Variants in ZBTB20 observed in about 807,000 individuals in gnomAD.
The protein encoded by ZBTB20 is zinc finger and BTB domain-containing protein 20.
ZBTB20 carries 9 observed loss-of-function variants against 56.9 expected under a neutral mutation model. The ratio of observed to expected loss-of-function variants is 0.16; its 90% CI spans 0.10 to 0.28. The LOEUF is 0.28. ZBTB20 is among the 10% of genes least tolerant of loss of function. The pLI is 1.00. For synonymous variants in ZBTB20, 417 were observed against 420.7 expected, an observed-to-expected ratio of 0.99 and a Z score of 0.11; for missense variants, 655 against 1,003.0, an observed-to-expected ratio of 0.65 and a Z score of 4.69.
intron 7 of ZBTB20, among the ~76,000 whole-genome samples, chr3:114,446,466 G>A (rs2091278075): frequency 6.6e-6 from 1 of 152,100 alleles, no homozygotes; most frequent in Non-Finnish European, 1.5e-5. Context: ...AAATTCGAAA[G>A]GATAGTTTTG....
rs118169838 is a variant in ZBTB20 at position 114,894,033 on chromosome 3, C to T, written c.-417+6271G>A. On this transcript the variant is annotated intron_variant, in intron 4 of 11. Transcript: ENST00000675478. The stretch of plus-strand genomic sequence containing the variant: ...CCCTTGACACAAGTCCTAATGACAA[C>T]AACAACAACAACAACAAAACACAAA... Among the ~76,000 whole-genome samples the T allele has an allele frequency of 1.8e-4, 27 of 152,272 alleles. No homozygotes were observed. In the East Asian group the frequency reaches 5.2e-3, roughly 29 times the overall value.
At chr3:114,615,631 G>A (rs9852045) in intron 6 of ZBTB20, among the ~76,000 whole-genome samples, 26,246 of 152,084 alleles carry the variant, frequency 0.17, 2,509 homozygotes, top group Admixed American at 0.28. Flanking sequence ...TCATTTGATC[G>A]TCAATGAATA....
At chr3:114,835,823 A>G (rs2108976929) in intron 4 of ZBTB20, among the ~76,000 whole-genome samples, 1 of 152,274 alleles carries the variant, frequency 6.6e-6, no homozygotes, top group Admixed American at 6.5e-5. Context: ...TAAATCTTTA[A>G]GACATTGAGT....
chr3:114,407,088 C>T (rs916332829), intron 7 of ZBTB20, among the ~76,000 whole-genome samples: 2 of 152,204 alleles, frequency 1.3e-5, no homozygotes, highest in African/African-American at 2.4e-5. Flanking sequence ...CTATAGCCCA[C>T]TAGCCACTGC....
chr3:114,696,718 C>T (rs2063043797), intron 5 of ZBTB20, among the ~76,000 whole-genome samples: 1 of 151,950 alleles, frequency 6.6e-6, no homozygotes, highest in Non-Finnish European at 1.5e-5. Flanking sequence ...TCTCACTGTG[C>T]TCCCACTTAA....
At chr3:114,761,728 G>C (rs544008608) in intron 5 of ZBTB20, among the ~76,000 whole-genome samples, 3 of 151,990 alleles carry the variant, frequency 2.0e-5, no homozygotes, top group South Asian at 2.1e-4. Flanking sequence ...CATCTACTTG[G>C]GGGGCTGAGG....
chr3:115,043,581 TAAAATAAAATAAAATAA>T lies in ZBTB20; in HGVS notation c.-507+27621_-507+27637del, dbSNP rs1414347351. 5.1e-4 allele frequency among the ~76,000 whole-genome samples: 3 copies of T among 5,930 alleles called. No individual in the cohort carries two copies. In the East Asian group the frequency reaches 0.018, roughly 36 times the overall value. 3.9% of individuals were successfully genotyped at this position (5,930 alleles called of 152,430 possible). A position where few individuals can be genotyped will look rare whatever the true frequency, so the allele number is the denominator to read the frequency against. ...GCAAGACTCTGGTCTCAAAAAGAAA[TAAAATAAAATAAAATAA>T]AATAAAATAAAATAAAATAAAATAA... On this transcript the variant is annotated intron_variant, in intron 2 of 11. Coordinates refer to ENST00000675478, the MANE Select transcript of ZBTB20 (RefSeq NM_001348800.3).
intron 6 of ZBTB20, among the ~76,000 whole-genome samples, chr3:114,568,548 C>A (rs2053061954): frequency 6.6e-6 from 1 of 152,114 alleles, no homozygotes; most frequent in Admixed American, 6.5e-5. Flanking sequence ...ATGGGAAAAC[C>A]ATTTATAAAA....
intron 1 of ZBTB20, among the ~76,000 whole-genome samples, chr3:115,103,629 G>A (rs1299017257): frequency 1.3e-5 from 2 of 152,186 alleles, no homozygotes; most frequent in Non-Finnish European, 2.9e-5. Context: ...AAGTGGTGAC[G>A]GAACGACTGG....
At chr3:115,115,495 C>T (rs550016666) in intron 1 of ZBTB20, among the ~76,000 whole-genome samples, 25 of 152,106 alleles carry the variant, frequency 1.6e-4, no homozygotes, top group African/African-American at 6.0e-4. Flanking sequence ...AATATTGGTA[C>T]TTTCATTTAA....
chr3:114,380,488 A>ATTT, intron 9 of ZBTB20, 84 bp from the exon 10 acceptor site: 1 of 1,343,528 alleles, frequency 7.4e-7, no homozygotes, highest in Non-Finnish European at 9.7e-7. Context: ...AGATAACTTG[A>ATTT]TTTTTTTTTT....
At chr3:114,588,656 A>G (rs888408668) in intron 6 of ZBTB20, among the ~76,000 whole-genome samples, 1 of 152,274 alleles carries the variant, frequency 6.6e-6, no homozygotes, top group South Asian at 2.1e-4. Flanking sequence ...GGGCAAAAAT[A>G]TGGTAAAGAA....
At chr3:115,060,365 C>T (rs904349938) in intron 2 of ZBTB20, among the ~76,000 whole-genome samples, 5 of 152,114 alleles carry the variant, frequency 3.3e-5, no homozygotes, top group Non-Finnish European at 7.4e-5. Flanking sequence ...TTATCACTTG[C>T]AAACCTTTTC....
In ZBTB20 at chr3:114,629,240, T is replaced by A. The variant is rs1009329067; in HGVS notation, c.-295+64288A>T. Among the ~76,000 whole-genome samples, 5 of 152,176 alleles carry A rather than the reference T, an allele frequency of 3.3e-5. No individual in the cohort carries two copies. The East Asian group carries it at 9.6e-4, about 29-fold the overall frequency. On this transcript the variant is annotated intron_variant, in intron 6 of 11. Coordinates refer to ENST00000675478, the MANE Select transcript of ZBTB20 (RefSeq NM_001348800.3). ...TTTCCCATTTGTAAAATAGGGATGA[T>A]AATAATATCCACTTCTATTAATTAA...
At chr3:115,091,397 A>G (rs1051197009) in intron 1 of ZBTB20, among the ~76,000 whole-genome samples, 1 of 152,174 alleles carries the variant, frequency 6.6e-6, no homozygotes, top group South Asian at 2.1e-4. Context: ...TTTTATACAT[A>G]GGAAGTAGAC....
intron 2 of ZBTB20, among the ~76,000 whole-genome samples, chr3:115,002,947 C>T (rs555238440): frequency 3.7e-4 from 56 of 151,706 alleles, no homozygotes; most frequent in African/African-American, 1.3e-3. Flanking sequence ...CAAATTTCTA[C>T]ATCCATACAA....
At chr3:114,601,188 T>C (rs981378825) in intron 6 of ZBTB20, among the ~76,000 whole-genome samples, 1 of 152,012 alleles carries the variant, frequency 6.6e-6, no homozygotes, top group African/African-American at 2.4e-5. Flanking sequence ...CCAACAGGTA[T>C]CAAGTGAGAG....
At chr3:114,895,002 C>A (rs777748404) in intron 4 of ZBTB20, among the ~76,000 whole-genome samples, 21 of 151,840 alleles carry the variant, frequency 1.4e-4, no homozygotes, top group Non-Finnish European at 2.8e-4. Flanking sequence ...TAAAAGAATC[C>A]TTTTCTGATT....
intron 6 of ZBTB20, among the ~76,000 whole-genome samples, chr3:114,678,643 A>T (rs1473404759): frequency 6.6e-6 from 1 of 152,190 alleles, no homozygotes. Flanking sequence ...AGAGACTTTC[A>T]ATGAAAGAAA....
Sources: allele counts gnomAD v4.1 joint callset (sites outside exome capture counted in the v4.1 genomes callset), GRCh38; gene constraint gnomAD v4.1.1; transcripts MANE v1.5; gene names NCBI Gene and HGNC (gene_info 2026-07-23, HGNC 2026-07-21).